LRBA: variants seen among roughly 807,000 people sequenced by gnomAD.
LRBA encodes lipopolysaccharide-responsive and beige-like anchor protein.
In LRBA, 176 loss-of-function variants were observed where a neutral mutation model predicts 330.0. The observed-to-expected ratio is 0.53, with a 90% CI of 0.47 to 0.60. The LOEUF is 0.60. LRBA is among the 20% of genes least tolerant of loss of function. The pLI, the probability that LRBA is intolerant of heterozygous loss-of-function variation, is 0.00. For missense variants in LRBA, 3,259 were observed against 3,444.8 expected (o/e 0.95, Z 1.35); for synonymous variants, 1,230 against 1,193.0 (o/e 1.03, Z -0.64).
chr4:150,761,782 C>T lies in LRBA; in HGVS notation c.5645+1G>A. 6.6e-7 allele frequency: 1 copy of T among 1,522,208 alleles called. No individual in the cohort carries two copies. The highest frequency in any genetic ancestry group is 8.9e-7 in the Non-Finnish European group (1 of 1,129,306). 94.3% of individuals were successfully genotyped at this position (1,522,208 alleles called of 1,614,324 possible). ...AAATGAATTAAAATAAAATAAATTA[C>T]CTTCCTTCATTGACAAGTTCGATAA... On this transcript the variant is annotated splice_donor_variant, in intron 35 of 56. Coordinates refer to ENST00000651943, the MANE Select transcript of LRBA (RefSeq NM_001364905.1). LOFTEE classifies it high-confidence loss of function.
At chr4:150,633,489 A>G (rs1453356844) in intron 37 of LRBA, among the ~76,000 whole-genome samples, 3 of 152,234 alleles carry the variant, frequency 2.0e-5, no homozygotes, top group Admixed American at 1.3e-4. Flanking sequence ...ATTTCAACAC[A>G]GTCAAAACCA....
chr4:150,976,481 T>C (rs1740190816), intron 2 of LRBA, among the ~76,000 whole-genome samples: 1 of 152,194 alleles, frequency 6.6e-6, no homozygotes, highest in Non-Finnish European at 1.5e-5. Context: ...TATTAACGTA[T>C]AAATTATATA....
At chr4:150,663,439 CAT>C (rs1319292097) in intron 37 of LRBA, among the ~76,000 whole-genome samples, 1 of 151,430 alleles carries the variant, frequency 6.6e-6, no homozygotes, top group African/African-American at 2.4e-5. Flanking sequence ...GGTAGGATGT[CAT>C]ATGATATAAA....
chr4:150,405,856 A>G (rs1421551587), intron 47 of LRBA, among the ~76,000 whole-genome samples: 1 of 151,796 alleles, frequency 6.6e-6, no homozygotes, highest in Non-Finnish European at 1.5e-5. Flanking sequence ...GGAGTTCAAG[A>G]CCAGCTTGGG....
At chr4:150,705,040 T>C (rs1324207581) in intron 36 of LRBA, among the ~76,000 whole-genome samples, 2 of 152,320 alleles carry the variant, frequency 1.3e-5, no homozygotes, top group South Asian at 4.1e-4. Flanking sequence ...TGATGTATCA[T>C]GTACTACATG....
chr4:150,638,839 C>A (rs1778196988), intron 37 of LRBA, among the ~76,000 whole-genome samples: 2 of 108,544 alleles, frequency 1.8e-5, no homozygotes, highest in Admixed American at 2.2e-4. Flanking sequence ...TTGACCCAGC[C>A]ATCCCATTAC....
intron 37 of LRBA, among the ~76,000 whole-genome samples, chr4:150,661,874 C>A (rs952830415): frequency 6.6e-6 from 1 of 152,128 alleles, no homozygotes; most frequent in African/African-American, 2.4e-5. Flanking sequence ...CGAGCATCGG[C>A]CTCCCAAACT....
At chr4:150,420,359 G>GTATAAAGTATATATAATACACATAGTATA (rs1748508229) in intron 46 of LRBA, among the ~76,000 whole-genome samples, 1 of 88,536 alleles carries the variant, frequency 1.1e-5, no homozygotes. Context: ...ACACATTATA[G>GTATAAAGTATATATAATACACATAGTATA]TATAAAGTAT....
At chr4:150,711,854 G>T (rs1786248816) in intron 36 of LRBA, among the ~76,000 whole-genome samples, 1 of 152,086 alleles carries the variant, frequency 6.6e-6, no homozygotes, top group Non-Finnish European at 1.5e-5. Flanking sequence ...CAGGAACAGA[G>T]GCAATAATAT....
intron 17 of LRBA, among the ~76,000 whole-genome samples, chr4:150,877,788 A>G (rs1235744424): frequency 1.3e-5 from 2 of 152,222 alleles, no homozygotes; most frequent in East Asian, 1.9e-4. Context: ...CGCCATAAAG[A>G]AAGTCTCAAT....
At chr4:150,493,044 G>A (rs561309564) in intron 40 of LRBA, among the ~76,000 whole-genome samples, 2 of 152,292 alleles carry the variant, frequency 1.3e-5, no homozygotes, top group East Asian at 1.9e-4. Flanking sequence ...GAAGTGGTGT[G>A]ATCACAGCTC....
chr4:150,591,087 T>C (rs1772769185), intron 38 of LRBA, among the ~76,000 whole-genome samples: 1 of 152,154 alleles, frequency 6.6e-6, no homozygotes, highest in Admixed American at 6.5e-5. Context: ...CCCATTAAAT[T>C]TGACCCCTGC....
At chr4:150,889,896 A>C (rs1729298783) in intron 17 of LRBA, among the ~76,000 whole-genome samples, 3 of 152,208 alleles carry the variant, frequency 2.0e-5, no homozygotes, top group African/African-American at 7.2e-5. Flanking sequence ...AAATAATGAG[A>C]ATGACAGTGC....
intron 29 of LRBA, among the ~76,000 whole-genome samples, chr4:150,830,720 C>A (rs1394599161): frequency 6.6e-6 from 1 of 151,702 alleles, no homozygotes; most frequent in Admixed American, 6.6e-5. Context: ...TTATCCTTGC[C>A]CTCTACGCTA....
intron 2 of LRBA, among the ~76,000 whole-genome samples, chr4:150,994,139 A>G (rs1742393087): frequency 6.6e-6 from 1 of 152,012 alleles, no homozygotes; most frequent in Non-Finnish European, 1.5e-5. Context: ...ACACTAAAGC[A>G]TAGCTAAACA....
chr4:150,910,123 G>C (rs1731819337), intron 9 of LRBA, among the ~76,000 whole-genome samples: 1 of 152,152 alleles, frequency 6.6e-6, no homozygotes, highest in South Asian at 2.1e-4. Context: ...CACTCTGCTG[G>C]ATATTTCCTC....
At chr4:150,340,960 G>A (rs1735455936) in intron 48 of LRBA, among the ~76,000 whole-genome samples, 1 of 152,066 alleles carries the variant, frequency 6.6e-6, no homozygotes, top group Non-Finnish European at 1.5e-5. Context: ...AAATAGGAAA[G>A]TTTAAGAAGG....
chr4:150,719,754 T>C (rs1728685207), intron 36 of LRBA, among the ~76,000 whole-genome samples: 1 of 152,110 alleles, frequency 6.6e-6, no homozygotes, highest in Non-Finnish European at 1.5e-5. Context: ...ACCTCTTTCC[T>C]CTTCTACCTG....
chr4:150,649,988 A>C (rs1208072169), intron 37 of LRBA, among the ~76,000 whole-genome samples: 1 of 152,192 alleles, frequency 6.6e-6, no homozygotes, highest in Non-Finnish European at 1.5e-5. Context: ...ATCTAATATT[A>C]ACAGTTACTA....
Sources: gnomAD v4.1 joint callset for allele counts (sites outside exome capture counted in the v4.1 genomes callset) on GRCh38, gnomAD v4.1.1 for gene constraint, MANE v1.5 for transcripts, NCBI Gene and HGNC (gene_info 2026-07-23, HGNC 2026-07-21) for gene names.